Variants in SGCZ observed in about 807,000 individuals in gnomAD.
SGCZ encodes zeta-sarcoglycan.
Under a neutral mutation model 41.3 loss-of-function variants are expected in SGCZ, and 40 were observed. That is an observed-to-expected ratio of 0.97 (90% CI 0.75 to 1.26). The LOEUF (loss-of-function observed/expected upper bound fraction) is 1.26, where lower values mean the gene tolerates loss of function less well. Among genes scored for constraint, SGCZ ranks in the 50% most tolerant of loss-of-function variants. SGCZ has a pLI of 0.00. For synonymous variants in SGCZ, 206 were observed against 137.5 expected (o/e 1.50, Z -3.49); for missense variants, 552 against 369.8 (o/e 1.49, Z -4.04).
intron 5 of SGCZ, among the ~76,000 whole-genome samples, chr8:14,144,800 T>C (rs2126809): frequency 0.2 from 30,328 of 151,908 alleles, 3,816 homozygotes; most frequent in East Asian, 0.63. Flanking sequence ...TAAGCTGATA[T>C]AAGAGTCCTT....
intron 2 of SGCZ, among the ~76,000 whole-genome samples, chr8:14,544,483 G>A (rs567866524): frequency 2.6e-4 from 40 of 152,172 alleles, no homozygotes; most frequent in African/African-American, 8.4e-4. Flanking sequence ...ATAAACGGAC[G>A]TGCAAGTAGG....
At chr8:14,867,978 A>G (rs903734702) in intron 1 of SGCZ, among the ~76,000 whole-genome samples, 1 of 151,728 alleles carries the variant, frequency 6.6e-6, no homozygotes, top group Non-Finnish European at 1.5e-5. Context: ...AAAACATTCT[A>G]TATAACATGC....
chr8:15,073,813 G>T (rs149450212), intron 1 of SGCZ, among the ~76,000 whole-genome samples: 1 of 152,260 alleles, frequency 6.6e-6, no homozygotes, highest in Non-Finnish European at 1.5e-5. Flanking sequence ...CTCCCTCTGA[G>T]AATGAGAGTT....
chr8:14,609,447 T>C (rs568028776), intron 1 of SGCZ, among the ~76,000 whole-genome samples: 33 of 152,242 alleles, frequency 2.2e-4, no homozygotes, highest in Admixed American at 1.6e-3. Context: ...GCAAGTAATA[T>C]AATTTCTTGA....
At chr8:14,292,875 G>C (rs960706276) in intron 3 of SGCZ, among the ~76,000 whole-genome samples, 2 of 151,864 alleles carry the variant, frequency 1.3e-5, no homozygotes, top group African/African-American at 4.8e-5. Context: ...TATAATTTTA[G>C]TATATTATTT....
intron 4 of SGCZ, among the ~76,000 whole-genome samples, chr8:14,168,150 A>G (rs890371823): frequency 6.6e-6 from 1 of 152,176 alleles, no homozygotes; most frequent in Non-Finnish European, 1.5e-5. Flanking sequence ...GCCTTGAAGA[A>G]TAGTATTACT....
intron 1 of SGCZ, among the ~76,000 whole-genome samples, chr8:14,860,043 G>C (rs1272342527): frequency 6.6e-6 from 1 of 152,008 alleles, no homozygotes; most frequent in African/African-American, 2.4e-5. Flanking sequence ...AGGAATCAGC[G>C]TTCCCAATCC....
intron 2 of SGCZ, among the ~76,000 whole-genome samples, chr8:14,387,148 AGTGATCCTCCT>A (rs1229173023): frequency 1.3e-5 from 2 of 152,316 alleles, no homozygotes; most frequent in East Asian, 3.9e-4. Context: ...CCTGGCCTCA[AGTGATCCTCCT>A]GCCTCAGCCT....
At chr8:14,213,860 T>C (rs1007796398) in intron 4 of SGCZ, among the ~76,000 whole-genome samples, 2 of 152,152 alleles carry the variant, frequency 1.3e-5, no homozygotes, top group East Asian at 3.8e-4. Flanking sequence ...ATGTCAGTTG[T>C]GAAAAACGTA....
chr8:14,651,146 A>G (rs6530792), intron 1 of SGCZ, among the ~76,000 whole-genome samples: 64,408 of 151,776 alleles, frequency 0.42, 14,561 homozygotes, highest in African/African-American at 0.57. Context: ...TATAATTGAT[A>G]TCATCTTGCC....
chr8:14,533,379 C>T (rs776363825), intron 2 of SGCZ, among the ~76,000 whole-genome samples: 43 of 151,858 alleles, frequency 2.8e-4, no homozygotes, highest in Non-Finnish European at 5.3e-4. Flanking sequence ...TTTAAAGGCT[C>T]AGTGGAAATC....
intron 1 of SGCZ, among the ~76,000 whole-genome samples, chr8:15,052,776 T>A (rs1423623952): frequency 6.6e-6 from 1 of 152,146 alleles, no homozygotes; most frequent in Admixed American, 6.6e-5. Flanking sequence ...AAAAAGCATA[T>A]CCAATTTTAA....
intron 1 of SGCZ, among the ~76,000 whole-genome samples, chr8:14,609,038 T>C (rs534673860): frequency 6.6e-6 from 1 of 152,326 alleles, no homozygotes; most frequent in South Asian, 2.1e-4. Flanking sequence ...CTTTCATGTG[T>C]TTTGCAGAAA....
intron 2 of SGCZ, among the ~76,000 whole-genome samples, chr8:14,355,426 T>C (rs747038249): frequency 1.3e-5 from 2 of 152,098 alleles, no homozygotes; most frequent in African/African-American, 4.8e-5. Context: ...AGACTTTCAT[T>C]TATTCTTTAA....
At chr8:14,283,688 A>C (rs2116924645) in intron 3 of SGCZ, among the ~76,000 whole-genome samples, 1 of 152,312 alleles carries the variant, frequency 6.6e-6, no homozygotes, top group East Asian at 1.9e-4. Context: ...GTGATCGAAC[A>C]TGAGTCAGCA....
At chr8:14,139,361 G>C (rs1029972940) in intron 5 of SGCZ, among the ~76,000 whole-genome samples, 1 of 151,690 alleles carries the variant, frequency 6.6e-6, no homozygotes, top group African/African-American at 2.4e-5. Flanking sequence ...AGCTGAAGGA[G>C]ATAGACACAC....
intron 1 of SGCZ, among the ~76,000 whole-genome samples, chr8:15,172,083 G>A (rs13250542): frequency 0.35 from 52,011 of 147,188 alleles, 11,715 homozygotes; most frequent in Non-Finnish European, 0.48. Flanking sequence ...ACAAAAGCCC[G>A]TTAAGCAAAA....
intron 1 of SGCZ, among the ~76,000 whole-genome samples, chr8:14,837,336 T>C (rs539793657): frequency 6.6e-6 from 1 of 152,330 alleles, no homozygotes; most frequent in South Asian, 2.1e-4. Context: ...GCAAAGGGAA[T>C]CGCAAATGAG....
chr8:14,893,820 A>G (rs754764172), intron 1 of SGCZ, among the ~76,000 whole-genome samples: 20 of 152,218 alleles, frequency 1.3e-4, no homozygotes, highest in Admixed American at 3.3e-4. Flanking sequence ...AAACATCACT[A>G]ATAATCACTT....
Sources: allele counts gnomAD v4.1 joint callset (sites outside exome capture counted in the v4.1 genomes callset), GRCh38; gene constraint gnomAD v4.1.1; transcripts MANE v1.5; gene names NCBI Gene and HGNC (gene_info 2026-07-23, HGNC 2026-07-21).